Variants in YPEL5 observed in about 807,000 individuals in gnomAD.
The protein encoded by YPEL5 is yippee like 5.
A neutral mutation model predicts 10.5 loss-of-function variants in YPEL5; 1 was observed. That is an observed-to-expected ratio of 0.10 (90% CI 0.03 to 0.45). The LOEUF (loss-of-function observed/expected upper bound fraction) is 0.45. YPEL5 is among the 20% of genes least tolerant of loss of function. The probability of loss-of-function intolerance (pLI) is 0.97; values close to 1 mark genes in which losing one functional copy is unlikely to be tolerated. For synonymous variants in YPEL5, 61 were observed against 56.6 expected (o/e 1.08, Z -0.35); for missense variants, 68 against 159.3 (o/e 0.43, Z 3.09).
chr2:30,156,543 A>G, intron 1 of YPEL5, 85 bp from the exon 2 acceptor site: 1 of 1,257,204 alleles, frequency 8.0e-7, no homozygotes, highest in Non-Finnish European at 1.1e-6. Context: ...AAATACGTAT[A>G]CAAATTGTTC....
intron 1 of YPEL5, among the ~76,000 whole-genome samples, chr2:30,153,191 C>G (rs889724523): frequency 5.4e-4 from 82 of 152,148 alleles, no homozygotes; most frequent in African/African-American, 1.9e-3. Context: ...TGTGAGCCAC[C>G]GCGCCCGGCC....
At chr2:30,151,912 G>A (rs1042893060) in intron 1 of YPEL5, among the ~76,000 whole-genome samples, 57 of 152,186 alleles carry the variant, frequency 3.7e-4, no homozygotes, top group African/African-American at 1.4e-3. Flanking sequence ...AAGGTGATTA[G>A]CATACTTGGG....
Position 30,158,961 on chromosome 2 carries a change from G to T in YPEL5, c.*118G>T, listed in dbSNP as rs1053429327. 2 of 937,810 alleles carry T rather than the reference G, an allele frequency of 2.1e-6. No individual in the cohort carries two copies. Among genetic ancestry groups the T allele is most frequent in the Non-Finnish European group, 3.2e-6 (2 of 634,224 alleles). 58.1% of individuals were successfully genotyped at this position (937,810 alleles called of 1,614,324 possible). The stretch of plus-strand genomic sequence containing the variant: ...TTAATGAACTGCGGAACAAGAGGTT[G>T]TGAGAATCTAAGATGGAACCTTTCT... On this transcript the variant is annotated 3_prime_UTR_variant, in exon 3 of 3. Transcript: ENST00000261353.
intron 1 of YPEL5, 195 bp from the exon 2 acceptor site, chr2:30,156,433 C>T: frequency 1.9e-6 from 1 of 513,362 alleles, no homozygotes. Flanking sequence ...ATCTTCTTAG[C>T]TTAGGCATGC....
chr2:30,156,430 T>C (rs1391612837), intron 1 of YPEL5, 198 bp from the exon 2 acceptor site: 2 of 498,058 alleles, frequency 4.0e-6, no homozygotes, highest in Non-Finnish European at 7.1e-6. Context: ...AAAATCTTCT[T>C]AGCTTAGGCA....
Position 30,159,108 on chromosome 2 carries a change from T to A in YPEL5, c.*265T>A, listed in dbSNP as rs1006988081. On this transcript the variant is annotated 3_prime_UTR_variant, in exon 3 of 3. Coordinates refer to ENST00000261353, the MANE Select transcript of YPEL5 (RefSeq NM_016061.3). ...TTACATCTTGAGGCAGCAGAGTCTG[T>A]CTGCAGCTATGTGGTGAGCTATGTA... 4 of 451,260 alleles carry A rather than the reference T, an allele frequency of 8.9e-6. No homozygotes were observed. The highest frequency in any genetic ancestry group is 2.0e-5 in the African/African-American group (1 of 50,662). The allele number at this position is 451,260 out of a possible 1,614,324, so 28.0% of individuals were successfully genotyped here. A position where few individuals can be genotyped will look rare whatever the true frequency, so the allele number is the denominator to read the frequency against.
chr2:30,152,975 A>G (rs1396280470), intron 1 of YPEL5, among the ~76,000 whole-genome samples: 2 of 146,854 alleles, frequency 1.4e-5, no homozygotes, highest in East Asian at 2.0e-4. Context: ...ATCTCAGCTC[A>G]CTGCAAGCTC....
intron 1 of YPEL5, among the ~76,000 whole-genome samples, chr2:30,155,608 G>T (rs1186631582): frequency 6.6e-6 from 1 of 152,216 alleles, no homozygotes; most frequent in East Asian, 1.9e-4. Flanking sequence ...ACTATATCTA[G>T]ATCTTTAAGA....
chr2:30,150,909 G>A (rs921380584), intron 1 of YPEL5, among the ~76,000 whole-genome samples: 28 of 152,190 alleles, frequency 1.8e-4, no homozygotes, highest in African/African-American at 6.8e-4. Flanking sequence ...ACAAATGGGC[G>A]TGGCTGTGTT....
intron 1 of YPEL5, among the ~76,000 whole-genome samples, chr2:30,151,732 C>T (rs543370942): frequency 6.6e-6 from 1 of 152,272 alleles, no homozygotes; most frequent in South Asian, 2.1e-4. Flanking sequence ...TCACTATAAA[C>T]TTGAACTTCA....
In YPEL5 at chr2:30,157,171, T is replaced by C. The variant is rs55762933; in HGVS notation, c.141+379T>C. ...GGTGGTGTGTGCCTCTAGTCCCAGC[T>C]ACTCGGGAGGCTGAGGCAGGAGAAA... On this transcript the variant is annotated intron_variant, in intron 2 of 2. Coordinates refer to ENST00000261353, the MANE Select transcript of YPEL5 (RefSeq NM_016061.3). Among the ~76,000 whole-genome samples the C allele has an allele frequency of 8.8e-3, 1,339 of 152,006 alleles. 24 individuals carry two copies. The highest frequency in any genetic ancestry group is 0.031 in the African/African-American group (1,285 of 41,420).
intron 2 of YPEL5, among the ~76,000 whole-genome samples, chr2:30,157,282 CAA>C (rs529164436): frequency 8.0e-5 from 10 of 124,778 alleles, no homozygotes; most frequent in Admixed American, 8.2e-5. Flanking sequence ...GACTCAGTCT[CAA>C]AAAAAAAAAA....
intron 1 of YPEL5, among the ~76,000 whole-genome samples, chr2:30,153,048 C>T (rs553107031): frequency 5.7e-4 from 87 of 152,146 alleles, no homozygotes; most frequent in Non-Finnish European, 1.1e-3. Context: ...CTACAGGTGC[C>T]CGCCACCATG....
chr2:30,150,344 A>G (rs773917524), intron 1 of YPEL5, among the ~76,000 whole-genome samples: 3 of 152,180 alleles, frequency 2.0e-5, no homozygotes, highest in Non-Finnish European at 1.5e-5. Flanking sequence ...CAGTATCTCC[A>G]CTTAATTTCT....
At chr2:30,151,586 T>C (rs1572751883) in intron 1 of YPEL5, among the ~76,000 whole-genome samples, 1 of 152,264 alleles carries the variant, frequency 6.6e-6, no homozygotes, top group Admixed American at 6.5e-5. Flanking sequence ...TTGGTACTTT[T>C]CTTATTCAAC....
intron 1 of YPEL5, chr2:30,155,912 T>G (rs1299610053): frequency 2.0e-5 from 3 of 152,300 alleles, no homozygotes; most frequent in African/African-American, 7.2e-5. Context: ...TTGAATTAGG[T>G]GAATTGCATT....
chr2:30,150,258 A>C (rs957473586), intron 1 of YPEL5, among the ~76,000 whole-genome samples: 4 of 152,146 alleles, frequency 2.6e-5, no homozygotes, highest in African/African-American at 9.7e-5. Flanking sequence ...TGGGATGGGG[A>C]ATGTTGAAGA....
chr2:30,155,317 T>G (rs1675995753), intron 1 of YPEL5, among the ~76,000 whole-genome samples: 1 of 152,236 alleles, frequency 6.6e-6, no homozygotes, highest in South Asian at 2.1e-4. Context: ...ATTTTTGTGA[T>G]AACATTTCTA....
At chr2:30,153,044 G>A (rs939263668) in intron 1 of YPEL5, among the ~76,000 whole-genome samples, 3 of 152,074 alleles carry the variant, frequency 2.0e-5, no homozygotes, top group Non-Finnish European at 4.4e-5. Flanking sequence ...GGGACTACAG[G>A]TGCCCGCCAC....
Sources: allele counts gnomAD v4.1 joint callset (sites outside exome capture counted in the v4.1 genomes callset), GRCh38; gene constraint gnomAD v4.1.1; transcripts MANE v1.5; gene names NCBI Gene and HGNC (gene_info 2026-07-23, HGNC 2026-07-21).